GRM3: variants seen among roughly 807,000 people sequenced by gnomAD.
GRM3 encodes the protein metabotropic glutamate receptor 3.
In GRM3, 26 loss-of-function variants were observed where a neutral mutation model predicts 70.5. The ratio of observed to expected loss-of-function variants is 0.37; its 90% confidence interval spans 0.27 to 0.51. The LOEUF is 0.51. Among genes scored for constraint, GRM3 ranks in the 20% least tolerant of loss-of-function variants. The probability of loss-of-function intolerance (pLI) is 0.93; values close to 1 mark genes in which losing one functional copy is unlikely to be tolerated. For synonymous variants in GRM3, 443 were observed against 434.9 expected (o/e 1.02, Z -0.23); for missense variants, 859 against 1,123.8 (o/e 0.76, Z 3.37).
intron 3 of GRM3, among the ~76,000 whole-genome samples, chr7:86,817,220 C>A (rs1315083939): frequency 6.6e-6 from 1 of 151,752 alleles, no homozygotes; most frequent in African/African-American, 2.4e-5. Context: ...CTCCAAGAAA[C>A]CTTAAATGCT....
At chr7:86,787,733 C>T (rs1411648061) in intron 3 of GRM3, among the ~76,000 whole-genome samples, 1 of 152,168 alleles carries the variant, frequency 6.6e-6, no homozygotes, top group African/African-American at 2.4e-5. Flanking sequence ...TGAAATGAAA[C>T]TCTTTTTCTG....
chr7:86,722,590 C>T (rs888289726), intron 1 of GRM3, among the ~76,000 whole-genome samples: 3 of 131,404 alleles, frequency 2.3e-5, no homozygotes, highest in Non-Finnish European at 4.7e-5. Context: ...GGGCATCACA[C>T]ACTGGGGACT....
intron 1 of GRM3, among the ~76,000 whole-genome samples, chr7:86,648,453 T>G (rs1793530882): frequency 6.6e-6 from 1 of 152,190 alleles, no homozygotes. Context: ...ACTATTGAAA[T>G]GAAAGTGATG....
intron 3 of GRM3, among the ~76,000 whole-genome samples, chr7:86,800,855 A>G (rs373880522): frequency 6.6e-6 from 1 of 152,234 alleles, no homozygotes; most frequent in Non-Finnish European, 1.5e-5. Context: ...CTTCAGGCCA[A>G]TATCCCTGAT....
chr7:86,646,831 A>C (rs1268799847), intron 1 of GRM3, among the ~76,000 whole-genome samples: 1 of 152,204 alleles, frequency 6.6e-6, no homozygotes, highest in Non-Finnish European at 1.5e-5. Flanking sequence ...ACACACAAAA[A>C]AATCTTATAA....
intron 1 of GRM3, among the ~76,000 whole-genome samples, chr7:86,681,890 A>G (rs181316317): frequency 1.7e-3 from 264 of 152,322 alleles, no homozygotes; most frequent in Non-Finnish European, 3.1e-3. Context: ...TTCTTGTGAT[A>G]TGTGGGTGGT....
At chr7:86,771,569 CATTATTCTAT>C (rs2116445974) in intron 2 of GRM3, among the ~76,000 whole-genome samples, 1 of 152,104 alleles carries the variant, frequency 6.6e-6, no homozygotes, top group African/African-American at 2.4e-5. Context: ...TTCTATAGAA[CATTATTCTAT>C]AGAACATTAT....
chr7:86,852,767 T>C (rs1477363170), intron 5 of GRM3, among the ~76,000 whole-genome samples: 1 of 152,104 alleles, frequency 6.6e-6, no homozygotes, highest in Non-Finnish European at 1.5e-5. Flanking sequence ...GTTATTTGCA[T>C]TTTTACTCTT....
intron 1 of GRM3, among the ~76,000 whole-genome samples, chr7:86,723,244 A>T (rs114181053): frequency 0.017 from 2,579 of 152,220 alleles, 70 homozygotes; most frequent in African/African-American, 0.058. Context: ...AATATAGAAT[A>T]TAGCTCAGGT....
intron 4 of GRM3, among the ~76,000 whole-genome samples, chr7:86,847,338 T>C (rs765195212): frequency 6.6e-6 from 1 of 152,146 alleles, no homozygotes; most frequent in East Asian, 1.9e-4. Context: ...AAGTCAAGGA[T>C]GGTCTTTGGC....
chr7:86,749,672 C>G (rs1366176875), intron 1 of GRM3, among the ~76,000 whole-genome samples: 1 of 151,932 alleles, frequency 6.6e-6, no homozygotes, highest in African/African-American at 2.4e-5. Context: ...GTATAGACTT[C>G]AGAAAAAAGT....
intron 1 of GRM3, among the ~76,000 whole-genome samples, chr7:86,729,961 G>T (rs189636652): frequency 6.6e-6 from 1 of 151,852 alleles, no homozygotes; most frequent in Non-Finnish European, 1.5e-5. Context: ...CAAAAAATTA[G>T]CCGGGCGTGG....
intron 4 of GRM3, among the ~76,000 whole-genome samples, chr7:86,842,240 T>C (rs1431115176): frequency 6.6e-6 from 1 of 152,200 alleles, no homozygotes; most frequent in Non-Finnish European, 1.5e-5. Context: ...ATGCTCTTCT[T>C]ATCCCACCAA....
intron 1 of GRM3, among the ~76,000 whole-genome samples, chr7:86,651,906 G>A (rs1793615185): frequency 2.0e-5 from 3 of 152,132 alleles, no homozygotes; most frequent in African/African-American, 7.2e-5. Flanking sequence ...TTAAACTGAA[G>A]TATTTCATCC....
chr7:86,816,237 C>G (rs1393133555), intron 3 of GRM3, among the ~76,000 whole-genome samples: 1 of 151,856 alleles, frequency 6.6e-6, no homozygotes, highest in African/African-American at 2.4e-5. Flanking sequence ...CATCCAGTGG[C>G]TATTATTGCC....
intron 3 of GRM3, among the ~76,000 whole-genome samples, chr7:86,795,630 A>G (rs755315932): frequency 6.6e-6 from 1 of 152,154 alleles, no homozygotes; most frequent in Admixed American, 6.5e-5. Context: ...ATAGTATTCC[A>G]TGGTGTATAT....
At chr7:86,848,431 T>A (rs1798696963) in intron 4 of GRM3, among the ~76,000 whole-genome samples, 1 of 152,278 alleles carries the variant, frequency 6.6e-6, no homozygotes, top group South Asian at 2.1e-4. Flanking sequence ...AGTCCACACA[T>A]GGAAAGATAC....
chr7:86,775,280 A>G (rs1339403904), intron 2 of GRM3: 4 of 152,126 alleles, frequency 2.6e-5, no homozygotes, highest in African/African-American at 9.7e-5. Context: ...ACCTGTAATG[A>G]CAAAAAGAGG....
At chr7:86,749,661 T>A (rs1055629217) in intron 1 of GRM3, among the ~76,000 whole-genome samples, 17 of 152,036 alleles carry the variant, frequency 1.1e-4, no homozygotes, top group African/African-American at 4.1e-4. Flanking sequence ...AAATGAAGCA[T>A]GTATAGACTT....
Sources: allele counts gnomAD v4.1 joint callset (sites outside exome capture counted in the v4.1 genomes callset), GRCh38; gene constraint gnomAD v4.1.1; transcripts MANE v1.5; gene names NCBI Gene and HGNC (gene_info 2026-07-23, HGNC 2026-07-21).